ACAD10: variants seen among roughly 807,000 people sequenced by gnomAD.
The protein encoded by ACAD10 is ACAD-10.
A neutral mutation model predicts 116.8 loss-of-function variants in ACAD10; 112 were observed. The observed-to-expected ratio is 0.96, with a 90% confidence interval of 0.82 to 1.12. ACAD10 has a LOEUF of 1.12. Ranked by LOEUF, ACAD10 falls within the 50% of genes most tolerant of loss-of-function variation. The pLI is 0.00. For synonymous variants in ACAD10, 486 were observed against 510.6 expected (o/e 0.95, Z 0.65); for missense variants, 1,259 against 1,350.2 (o/e 0.93, Z 1.06).
intron 18 of ACAD10, chr12:111,752,645 T>C (rs937859103): frequency 6.6e-6 from 1 of 151,460 alleles, no homozygotes; most frequent in African/African-American, 2.4e-5. Flanking sequence ...ATATATAGAG[T>C]GTGGCTCCCG....
At chr12:111,734,382 C>T (rs964140402) in intron 11 of ACAD10, among the ~76,000 whole-genome samples, 6 of 152,184 alleles carry the variant, frequency 3.9e-5, no homozygotes, top group East Asian at 1.9e-4. Context: ...AATCCCAGCA[C>T]GTTGGGAGGC....
intron 8 of ACAD10, among the ~76,000 whole-genome samples, chr12:111,724,373 C>T (rs1449129584): frequency 6.6e-6 from 1 of 152,080 alleles, no homozygotes; most frequent in Non-Finnish European, 1.5e-5. Flanking sequence ...GGCAGCCAGG[C>T]AGAGACACTC....
At chr12:111,714,626 C>T (rs1488292518) in intron 6 of ACAD10, among the ~76,000 whole-genome samples, 1 of 152,000 alleles carries the variant, frequency 6.6e-6, no homozygotes, top group Non-Finnish European at 1.5e-5. Flanking sequence ...CACGCCACTG[C>T]ACTCCAGCCT....
intron 9 of ACAD10, among the ~76,000 whole-genome samples, chr12:111,728,878 C>T (rs986362778): frequency 6.6e-6 from 1 of 151,964 alleles, no homozygotes; most frequent in African/African-American, 2.4e-5. Context: ...TTAGCAGAGA[C>T]AGGTTTTTGC....
rs776584658 is a variant in ACAD10 at position 111,712,676 on chromosome 12, T to G, written c.850+19T>G. The G allele has an allele frequency of 1.9e-6, 3 of 1,611,880 alleles. No individual in the cohort carries two copies. The highest frequency in any genetic ancestry group is 2.2e-5 in the East Asian group (1 of 44,866). On this transcript the variant is annotated intron_variant, in intron 6 of 20. Coordinates refer to ENST00000313698, the MANE Select transcript of ACAD10 (RefSeq NM_025247.6). ...ACCACAGGTATGTGGGCTTCTTTCA[T>G]GTTTTGGTAGCTCTCTCCAAGGCGA...
In ACAD10 at chr12:111,756,544, C is replaced by T. The variant is rs902307592; in HGVS notation, c.*71C>T. On this transcript the variant is annotated 3_prime_UTR_variant, in exon 21 of 21. Transcript: ENST00000313698. ...GCCCAGATCTGTCACTGATGTGCCT[C>T]GAAAGATCCGGTGTTTGTGGCTCCT... 4.4e-6 allele frequency: 7 copies of T among 1,578,532 alleles called. No individual in the cohort carries two copies. Among genetic ancestry groups the T allele is most frequent in the African/African-American group, 2.7e-5 (2 of 74,260 alleles).
chr12:111,749,129 A>G (rs1889998253), intron 17 of ACAD10, 44 bp from the exon 18 acceptor site: 1 of 1,613,720 alleles, frequency 6.2e-7, no homozygotes, highest in Non-Finnish European at 8.5e-7. Flanking sequence ...ATCCAAGGAA[A>G]ATGACTATGG....
At chr12:111,753,416 A>G in intron 18 of ACAD10, 1 of 456,670 alleles carries the variant, frequency 2.2e-6, no homozygotes, top group East Asian at 5.8e-5. Context: ...CATTCCCAGG[A>G]GTAGCCTTGG....
intron 5 of ACAD10, among the ~76,000 whole-genome samples, chr12:111,711,394 G>C (rs893272875): frequency 6.6e-6 from 1 of 151,604 alleles, no homozygotes; most frequent in Non-Finnish European, 1.5e-5. Context: ...GTAGAGACAG[G>C]GTTTCACTGT....
intron 2 of ACAD10, among the ~76,000 whole-genome samples, chr12:111,698,320 A>T (rs1389514158): frequency 7.6e-6 from 1 of 131,278 alleles, no homozygotes; most frequent in African/African-American, 2.9e-5. Context: ...TTTTTCAGAG[A>T]GCATCTTGCT....
chr12:111,692,614 G>T (rs80352379), intron 1 of ACAD10, 83 bp from the exon 2 acceptor site: 15 of 1,392,146 alleles, frequency 1.1e-5, no homozygotes, highest in African/African-American at 1.4e-5. Flanking sequence ...GAGATGTCTG[G>T]CTGGCCCCTC....
intron 19 of ACAD10, among the ~76,000 whole-genome samples, chr12:111,755,020 T>C (rs1003093160): frequency 6.6e-6 from 1 of 152,196 alleles, no homozygotes; most frequent in Admixed American, 6.5e-5. Flanking sequence ...GGCCTCTGTT[T>C]TGGACGGTGG....
In ACAD10 at chr12:111,729,919, C is replaced by G; in HGVS notation, c.1357C>G (p.Arg453Gly). Residue 453 changes from arginine to glycine, a missense_variant, in exon 10 of 21, where the codon CGT (arginine) becomes GGT (glycine). Physicochemically the swap from Arg to Gly is moderately radical, Grantham distance 125. Coordinates refer to ENST00000313698, the MANE Select transcript of ACAD10 (RefSeq NM_025247.6). ...CGAATGGCTGCCCCTCCATCTTCCC[C>G]GTCAGCAGAGGACCACAGTGGTGCA... The part of the protein sequence containing the change: ...LIEWLPLHLP[R>G]QQRTTVVHGD... 6.2e-7 allele frequency: 1 copy of G among 1,614,092 alleles called. No homozygotes were observed. The highest frequency in any genetic ancestry group is 8.5e-7 in the Non-Finnish European group (1 of 1,180,018).
At chr12:111,730,204 C>T (rs893890871) in intron 10 of ACAD10, among the ~76,000 whole-genome samples, 6 of 152,280 alleles carry the variant, frequency 3.9e-5, no homozygotes, top group Middle Eastern at 3.4e-3. Context: ...TCAACCCACT[C>T]GATGACAGTA....
At chr12:111,728,190 GCTT>G (rs1342936265) in intron 9 of ACAD10, 47 bp downstream of exon 9, 3 of 1,531,564 alleles carry the variant, frequency 2.0e-6, no homozygotes, top group Non-Finnish European at 2.6e-6. Context: ...CATCACTAGT[GCTT>G]CTGCTTTTAG....
At chr12:111,709,496 A>G (rs1317583797) in intron 4 of ACAD10, 30 bp from the exon 5 acceptor site, 2 of 1,509,340 alleles carry the variant, frequency 1.3e-6, no homozygotes, top group South Asian at 1.3e-5. Flanking sequence ...CTTTCGGGAC[A>G]TTCATCTCTC....
intron 9 of ACAD10, among the ~76,000 whole-genome samples, chr12:111,729,516 G>A (rs1889325535): frequency 6.6e-6 from 1 of 152,190 alleles, no homozygotes; most frequent in South Asian, 2.1e-4. Flanking sequence ...ACAGGTGTGA[G>A]CCACCATGGC....
chr12:111,690,732 C>A (rs1888014392), intron 1 of ACAD10, among the ~76,000 whole-genome samples: 1 of 150,170 alleles, frequency 6.7e-6, no homozygotes, highest in Admixed American at 6.7e-5. Context: ...TAGCAGTGAG[C>A]CAAATTCGTG....
chr12:111,698,290 A>G (rs368230998), intron 2 of ACAD10, among the ~76,000 whole-genome samples: 1 of 134,804 alleles, frequency 7.4e-6, no homozygotes, highest in Non-Finnish European at 1.5e-5. Context: ...AAGCCACTGC[A>G]TCTGGCCTTT....
Sources: allele counts gnomAD v4.1 joint callset (sites outside exome capture counted in the v4.1 genomes callset), GRCh38; gene constraint gnomAD v4.1.1; transcripts MANE v1.5; gene names NCBI Gene and HGNC (gene_info 2026-07-23, HGNC 2026-07-21).